ABHD16A: variants seen among roughly 807,000 people sequenced by gnomAD.
The protein encoded by ABHD16A is abhydrolase domain containing 16A, phospholipase.
A neutral mutation model predicts 89.8 loss-of-function variants in ABHD16A; 47 were observed. The ratio of observed to expected loss-of-function variants is 0.52; its 90% CI spans 0.41 to 0.67. The LOEUF is 0.67. Ranked by LOEUF, ABHD16A falls within the 30% of genes least tolerant of loss-of-function variation. ABHD16A has a pLI of 0.00. For synonymous variants in ABHD16A, 251 were observed against 280.4 expected (o/e 0.90, Z 1.05); for missense variants, 580 against 734.6 (o/e 0.79, Z 2.43).
In ABHD16A at chr6:31,696,975, T is replaced by C. The variant is rs747339606; in HGVS notation, c.402A>G (p.Thr134=). The C allele has an allele frequency of 6.8e-6, 11 of 1,612,996 alleles. No homozygotes were observed. The highest frequency in any genetic ancestry group is 1.6e-4 in the Middle Eastern group (1 of 6,084). ...TGTTTTCTGAAGACTGGTTCCGATG[T>C]GTTGCTTCCAAGATGGTGATGAACT... ...YRQFITILEA[T]HRNQSSENKR... Residue 134 remains threonine, a synonymous_variant, in exon 5 of 20, where the codon ACA becomes ACG. Transcript: ENST00000395952.
chr6:31,691,332 A>G (rs557849522), intron 9 of ABHD16A: 15 of 505,136 alleles, frequency 3.0e-5, no homozygotes, highest in Non-Finnish European at 3.9e-5. Flanking sequence ...TTAAATATAT[A>G]TAAGTGTGAA....
Position 31,687,718 on chromosome 6 carries a change from C to T in ABHD16A, c.1470G>A (p.Glu490=), listed in dbSNP as rs375994936. The part of the protein sequence containing the change: ...LEEASIYSRW[E]VEEDWCLSVL... ...CAGACAGACACCAGTCCTCTTCCAC[C>T]TCCCATCGGCTATAAATTGAGGCTG... The change falls in exon 18 of 20, where the codon GAG becomes GAA. Residue 490 remains glutamate, a synonymous_variant. Transcript: ENST00000395952. The surrounding 1 kb of genome is among the most constrained non-coding windows in gnomAD (Gnocchi z 6.3). The T allele has an allele frequency of 9.3e-6, 15 of 1,612,750 alleles. No homozygotes were observed. The African/African-American group carries it at 1.6e-4, about 17-fold the overall frequency.
rs1715853299 is a variant in ABHD16A at position 31,693,982 on chromosome 6, T to G, written c.430-550A>C. On this transcript the variant is annotated intron_variant, in intron 5 of 19. Transcript: ENST00000395952. The surrounding 1 kb of genome is among the most constrained non-coding windows in gnomAD (Gnocchi z 5.0). ...CTCACAACTACATCCCTTCCTCAAC[T>G]CCTGCAGCCATGGATCAGTGTTGCC... 6.6e-6 allele frequency among the ~76,000 whole-genome samples: 1 copy of G among 151,668 alleles called. No individual in the cohort carries two copies. Among genetic ancestry groups the G allele is most frequent in the Admixed American group, 6.6e-5 (1 of 15,258 alleles).
chr6:31,701,059 T>C, intron 3 of ABHD16A, 31 bp from the exon 4 acceptor site: 1 of 1,561,940 alleles, frequency 6.4e-7, no homozygotes, highest in Non-Finnish European at 8.8e-7. Context: ...TGTGAGACCC[T>C]CTCCGCAATG....
At chr6:31,692,961 A>T in intron 7 of ABHD16A, 66 bp downstream of exon 7, 1 of 1,609,408 alleles carries the variant, frequency 6.2e-7, no homozygotes, top group Non-Finnish European at 8.5e-7. Flanking sequence ...TGGAGCGCCC[A>T]CTCCCAGAGC....
In ABHD16A at chr6:31,698,633, C is replaced by T. The variant is rs937890510; in HGVS notation, c.344-1600G>A. Among the ~76,000 whole-genome samples the T allele has an allele frequency of 3.3e-5, 5 of 151,978 alleles. No homozygotes were observed. Among genetic ancestry groups the T allele is most frequent in the African/African-American group, 1.2e-4 (5 of 41,348 alleles). On this transcript the variant is annotated intron_variant, in intron 4 of 19. Coordinates refer to ENST00000395952, the MANE Select transcript of ABHD16A (RefSeq NM_021160.3). The surrounding 1 kb of genome is among the most constrained non-coding windows in gnomAD (Gnocchi z 4.1). ...CCCAAATAGCTGGGATTACAAGCGC[C>T]CGCCACCATGCACAGCTAATTTTTT... is the stretch of plus-strand genomic sequence containing the variant.
In ABHD16A at chr6:31,687,931, C is replaced by T; in HGVS notation, c.1371-31G>A. 1.9e-6 allele frequency: 3 copies of T among 1,612,698 alleles called. No homozygotes were observed. The highest frequency in any genetic ancestry group is 2.7e-5 in the African/African-American group (2 of 75,018). The stretch of plus-strand genomic sequence containing the variant: ...GAGGAAGTGCCAGGACAGGTCAGGG[C>T]TGATTTTTTTTCATTCACCATCCCT... On this transcript the variant is annotated intron_variant, in intron 16 of 19. Transcript: ENST00000395952. The surrounding 1 kb of genome is among the most constrained non-coding windows in gnomAD (Gnocchi z 6.3).
chr6:31,692,919 A>C (rs745399684), intron 7 of ABHD16A, 108 bp downstream of exon 7: 1 of 1,456,876 alleles, frequency 6.9e-7, no homozygotes, highest in African/African-American at 1.4e-5. Context: ...ACCATACAGC[A>C]CTAGGCCCAA....
Position 31,688,836 on chromosome 6 carries a change from A to C in ABHD16A, c.1187-50T>G. On this transcript the variant is annotated intron_variant, in intron 13 of 19. Transcript: ENST00000395952. This position sits in a 1 kb window ranked among gnomAD's most constrained non-coding sequence, Gnocchi z 4.9. ...ATGGCAGAGACAAAGCCCTTGCCCAACATAAAGGTCCTCACTATTCACGGA... is the reference window on the plus strand; with the variant it reads ...ATGGCAGAGACAAAGCCCTTGCCCACCATAAAGGTCCTCACTATTCACGGA... 2 of 1,578,578 alleles carry C rather than the reference A, an allele frequency of 1.3e-6. No homozygotes were observed. The highest frequency in any genetic ancestry group is 4.5e-5 in the East Asian group (2 of 44,248).
rs1193485215 is a variant in ABHD16A, at chr6:31,703,262, C to T, written c.20G>A (p.Cys7Tyr). ...TTTGTAGAGCCGGGGGCCTAGGACG[C>T]AGCTCAGCAGCTTCGCCATGGCCCC... MAKLLSCVLGPRLYKIY... is the reference protein window; with the variant it reads MAKLLSYVLGPRLYKIY... Residue 7 changes from cysteine to tyrosine, a missense_variant, in exon 1 of 20, where the codon TGC (cysteine) becomes TAC (tyrosine). By Grantham distance (194) the Cys-to-Tyr change is radical (BLOSUM62 -2). Transcript: ENST00000395952. The T allele has an allele frequency of 1.5e-6, 2 of 1,366,912 alleles. No individual in the cohort carries two copies. Among genetic ancestry groups the T allele is most frequent in the Non-Finnish European group, 1.9e-6 (2 of 1,047,016 alleles). 84.7% of individuals were successfully genotyped at this position (1,366,912 alleles called of 1,614,324 possible).
chr6:31,702,708 A>C (rs1016441198), intron 1 of ABHD16A: 1 of 1,545,320 alleles, frequency 6.5e-7, no homozygotes, highest in South Asian at 1.2e-5. Context: ...GATCTGTAAA[A>C]GTCATTCTGA....
At chr6:31,703,083 G>T in intron 1 of ABHD16A, 67 bp downstream of exon 1, 5 of 1,373,170 alleles carry the variant, frequency 3.6e-6, no homozygotes, top group Admixed American at 2.8e-5. Flanking sequence ...GGGCACTTCT[G>T]GGGAGCAAAA....
intron 12 of ABHD16A, 140 bp downstream of exon 12, chr6:31,689,441 T>C: frequency 7.8e-7 from 1 of 1,281,778 alleles, no homozygotes; most frequent in Non-Finnish European, 1.0e-6. Flanking sequence ...TAGGATAGCT[T>C]CTTCCAGGCC....
In ABHD16A at chr6:31,687,558, G is replaced by T; in HGVS notation, c.1547-14C>A. ...TCATGTCCTCCCCTGCAGAGAGGAG[G>T]CGCTCAAAATAGGCCACACATCTGG... On this transcript the variant is annotated splice_polypyrimidine_tract_variant and intron_variant, in intron 18 of 19. Transcript: ENST00000395952. The surrounding 1 kb of genome is among the most constrained non-coding windows in gnomAD (Gnocchi z 6.3). The T allele has an allele frequency of 6.2e-7, 1 of 1,612,998 alleles. No homozygotes were observed. The highest frequency in any genetic ancestry group is 8.5e-7 in the Non-Finnish European group (1 of 1,180,008).
chr6:31,701,111 C>G, intron 3 of ABHD16A, 83 bp from the exon 4 acceptor site: 1 of 1,379,996 alleles, frequency 7.2e-7, no homozygotes. Context: ...ACCTCCACCC[C>G]ACACTCCCTG....
At chr6:31,689,976 ACG>A in intron 11 of ABHD16A, 100 bp downstream of exon 11, 1 of 1,334,420 alleles carries the variant, frequency 7.5e-7, no homozygotes, top group South Asian at 1.5e-5. Context: ...GGTGAGTGGG[ACG>A]CCTTCAAGAA....
chr6:31,702,666 G>C (rs12527088), intron 1 of ABHD16A: 6 of 1,543,184 alleles, frequency 3.9e-6, no homozygotes, highest in Middle Eastern at 1.7e-4. Flanking sequence ...GCTAGGTTGG[G>C]CGGGGGTTGA....
At position 31,689,041 on chromosome 6, in the gene ABHD16A, G is replaced by C. The variant is rs756833134; in HGVS notation, c.1160C>G (p.Ala387Gly). Residue 387 changes from alanine (A) to glycine (G), a missense_variant, in exon 13 of 20, where the codon GCC (alanine) becomes GGC (glycine). Around this residue, in one of 2 missense-constraint regions of ABHD16A, gnomAD observed 415 missense variants for 568.8 expected, o/e 0.73. Coordinates refer to ENST00000395952, the MANE Select transcript of ABHD16A (RefSeq NM_021160.3). ...CCAGCTGTCTGGCATGACCTTCAAG[G>C]CCAAGGGCACCAGGTCATCAAAGGA... ...DASFDDLVPL[A>G]LKVMPDSWRG... 1.9e-6 allele frequency: 3 copies of C among 1,613,974 alleles called. No homozygotes were observed. Among genetic ancestry groups the C allele is most frequent in the Non-Finnish European group, 2.5e-6 (3 of 1,179,946 alleles).
Position 31,702,468 on chromosome 6 carries a change from A to G in ABHD16A, c.133-338T>C, listed in dbSNP as rs555435530. The G allele has an allele frequency of 2.1e-4, 185 of 873,612 alleles. 1 individual carries two copies. The South Asian group carries it at 3.8e-3, about 18-fold the overall frequency. The allele number at this position is 873,612 out of a possible 1,614,324, so 54.1% of individuals were successfully genotyped here. A position where few individuals can be genotyped will look rare whatever the true frequency, so the allele number is the denominator to read the frequency against. On this transcript the variant is annotated intron_variant, in intron 1 of 19. Coordinates refer to ENST00000395952, the MANE Select transcript of ABHD16A (RefSeq NM_021160.3). ...GTTTGAGAAGAAAGAAAAGACACCT[A>G]GACAATCTAAGAAGGAAAGAAAAGC...
Sources: allele counts gnomAD v4.1 joint callset (sites outside exome capture counted in the v4.1 genomes callset), GRCh38; gene constraint gnomAD v4.1.1; regional missense constraint gnomAD v4.1.1; non-coding constraint Gnocchi (gnomAD v3.1); transcripts MANE v1.5; gene names NCBI Gene and HGNC (gene_info 2026-07-23, HGNC 2026-07-21).